Variants in FADS3 observed in about 807,000 individuals in gnomAD.
The protein encoded by FADS3 is cytochrome b5-related protein.
In FADS3, 30 loss-of-function variants were observed where a neutral mutation model predicts 60.4. The ratio of observed to expected loss-of-function variants is 0.50; its 90% CI spans 0.37 to 0.67. The LOEUF (loss-of-function observed/expected upper bound fraction) is 0.67. Ranked by LOEUF, FADS3 falls within the 30% of genes least tolerant of loss-of-function variation. The pLI, the probability that FADS3 is intolerant of heterozygous loss-of-function variation, is 0.00. For missense variants in FADS3, 432 were observed against 598.3 expected, an observed-to-expected ratio of 0.72 and a Z score of 2.90; for synonymous variants, 234 against 249.3, an observed-to-expected ratio of 0.94 and a Z score of 0.58.
intron 1 of FADS3, 130 bp downstream of exon 1, chr11:61,891,039 C>T (rs1591205396): frequency 3.6e-6 from 3 of 824,932 alleles, no homozygotes; most frequent in South Asian, 1.7e-5. Flanking sequence ...CTCTGGGTCC[C>T]GGCGTGGAGG....
rs1253800339 is a variant in FADS3 at position 61,879,465 on chromosome 11, C to T, written c.369G>A (p.Glu123=). 2 of 1,604,004 alleles carry T rather than the reference C, an allele frequency of 1.2e-6. No homozygotes were observed. The highest frequency in any genetic ancestry group is 1.7e-6 in the Non-Finnish European group (2 of 1,176,418). The change falls in exon 3 of 12, where the codon GAG becomes GAA. Residue 123 remains glutamate (E), a synonymous_variant. Coordinates refer to ENST00000278829, the MANE Select transcript of FADS3 (RefSeq NM_021727.5). ...GACTGGCATCAAACAGCTTCATGTC[C>T]TCGGCTGCCTGGTGCAGGGCTCGGA... ...EDFRALHQAA[E]DMKLFDASPT...
intron 6 of FADS3, 26 bp downstream of exon 6, chr11:61,878,128 AC>A: frequency 1.2e-6 from 2 of 1,608,964 alleles, no homozygotes; most frequent in Non-Finnish European, 8.5e-7. Context: ...GCACTCCCCC[AC>A]CCCAGAAGGA....
In FADS3 at chr11:61,877,284, AC is replaced by A. The variant is rs1173328544; in HGVS notation, c.885+226del. On this transcript the variant is annotated intron_variant, in intron 7 of 11. Coordinates refer to ENST00000278829, the MANE Select transcript of FADS3 (RefSeq NM_021727.5). This position sits in a 1 kb window ranked among gnomAD's most constrained non-coding sequence, Gnocchi z 4.7. The stretch of plus-strand genomic sequence containing the variant: ...GACACCCTCACCGAGAGAGACCCAC[AC>A]CCCCCCTGTTCCTCAACCCCCCCCC... 6 of 133,622 alleles carry A rather than the reference AC, an allele frequency of 4.5e-5. No homozygotes were observed. Among genetic ancestry groups the A allele is most frequent in the Non-Finnish European group, 6.9e-5 (5 of 72,004 alleles). The allele number at this position is 133,622 out of a possible 1,614,324, so 8.3% of individuals were successfully genotyped here.
intron 1 of FADS3, chr11:61,881,652 G>A (rs1395650801): frequency 2.0e-5 from 3 of 152,184 alleles, no homozygotes; most frequent in Admixed American, 2.0e-4. Context: ...CTACCAGCTG[G>A]TGAGTCTTAA....
intron 1 of FADS3, among the ~76,000 whole-genome samples, chr11:61,885,932 G>A (rs370147970): frequency 3.3e-5 from 5 of 152,124 alleles, no homozygotes; most frequent in East Asian, 1.9e-4. Context: ...TCTCCCTGGC[G>A]CCCGTCAGAG....
At chr11:61,889,503 T>C (rs174457) in intron 1 of FADS3, among the ~76,000 whole-genome samples, 90,222 of 151,400 alleles carry the variant, frequency 0.6, 29,911 homozygotes, top group Non-Finnish European at 0.75. Flanking sequence ...TACAATATGC[T>C]GGGCGTGGTG....
At position 61,891,368 on chromosome 11, in the gene FADS3, C is replaced by A; in HGVS notation, c.14G>T (p.Gly5Val). 1 of 1,476,872 alleles carries A rather than the reference C, an allele frequency of 6.8e-7. No individual in the cohort carries two copies. The highest frequency in any genetic ancestry group is 8.9e-7 in the Non-Finnish European group (1 of 1,119,066). 91.5% of individuals were successfully genotyped at this position (1,476,872 alleles called of 1,614,324 possible). A position where few individuals can be genotyped will look rare whatever the true frequency, so the allele number is the denominator to read the frequency against. The change falls in exon 1 of 12, where the codon GGG becomes GTG. Residue 5 changes from glycine (G) to valine (V), a missense_variant. Transcript: ENST00000278829. MGGV[G>V]EPGPREGPAQ... ...GGGTCCCTCCCGCGGTCCCGGCTCCCCGACGCCGCCCATGCTGCACGCACG... is the reference window on the plus strand; with the variant it reads ...GGGTCCCTCCCGCGGTCCCGGCTCCACGACGCCGCCCATGCTGCACGCACG...
rs565143966 is a variant in FADS3 at position 61,877,352 on chromosome 11, C to T, written c.885+159G>A. The T allele has an allele frequency of 1.9e-4, 96 of 505,868 alleles. No homozygotes were observed. In the East Asian group the frequency reaches 2.7e-3, roughly 14 times the overall value. 31.3% of individuals were successfully genotyped at this position (505,868 alleles called of 1,614,324 possible). A position where few individuals can be genotyped will look rare whatever the true frequency, so the allele number is the denominator to read the frequency against. On this transcript the variant is annotated intron_variant, in intron 7 of 11. Coordinates refer to ENST00000278829, the MANE Select transcript of FADS3 (RefSeq NM_021727.5). The surrounding 1 kb of genome is among the most constrained non-coding windows in gnomAD (Gnocchi z 4.7). ...CGGGCACACTCGCTCTCCTGCTGCG[C>T]GCACACATGTGAGCCACACTGTTGC...
At position 61,876,128 on chromosome 11, in the gene FADS3, G is replaced by GT; in HGVS notation, c.1142dup (p.Asn381LysfsTer56). Reference sequence around the variant, plus strand: ...ACACTCACTGGTGCTCGATCTGGAAGTTGAGGTGCCCGCTGAACCAGTTGG... The same window carrying GT: ...ACACTCACTGGTGCTCGATCTGGAAGTTTGAGGTGCCCGCTGAACCAGTTGG... On this transcript the variant is annotated frameshift_variant, in exon 10 of 12. Coordinates refer to ENST00000278829, the MANE Select transcript of FADS3 (RefSeq NM_021727.5). LOFTEE classifies it high-confidence loss of function. The surrounding 1 kb of genome is among the most constrained non-coding windows in gnomAD (Gnocchi z 5.7). The GT allele has an allele frequency of 6.2e-7, 1 of 1,610,006 alleles. No homozygotes were observed. The highest frequency in any genetic ancestry group is 8.5e-7 in the Non-Finnish European group (1 of 1,178,512).
rs940989203 is a variant in FADS3 at position 61,876,663 on chromosome 11, G to A, written c.983+203C>T. On this transcript the variant is annotated intron_variant, in intron 8 of 11. Transcript: ENST00000278829. The surrounding 1 kb of genome is among the most constrained non-coding windows in gnomAD (Gnocchi z 5.7). ...GTCCAGAGCAGCTCCGACACCCACC[G>A]GGCCACTTACAAGCCAGGCCACGCT... 4.3e-5 allele frequency: 28 copies of A among 656,988 alleles called. No homozygotes were observed. The highest frequency in any genetic ancestry group is 6.8e-5 in the Non-Finnish European group (25 of 368,734). 40.7% of individuals were successfully genotyped at this position (656,988 alleles called of 1,614,324 possible).
At chr11:61,888,423 C>T (rs1023731043) in intron 1 of FADS3, among the ~76,000 whole-genome samples, 3 of 152,268 alleles carry the variant, frequency 2.0e-5, no homozygotes, top group Non-Finnish European at 4.4e-5. Context: ...CTGGTCTACC[C>T]TGTGGGTTCA....
At chr11:61,888,458 A>G (rs1938385667) in intron 1 of FADS3, among the ~76,000 whole-genome samples, 1 of 152,246 alleles carries the variant, frequency 6.6e-6, no homozygotes, top group African/African-American at 2.4e-5. Flanking sequence ...TGATTGCACC[A>G]TCCCAGCAAC....
intron 6 of FADS3, 72 bp downstream of exon 6, chr11:61,878,083 G>A (rs755672454): frequency 7.9e-5 from 109 of 1,385,288 alleles, no homozygotes; most frequent in Non-Finnish European, 1.0e-4. Flanking sequence ...GGCTGGGAGT[G>A]GTCCAGGACA....
intron 1 of FADS3, among the ~76,000 whole-genome samples, chr11:61,888,529 G>A (rs1317402111): frequency 6.6e-6 from 1 of 152,232 alleles, no homozygotes; most frequent in Non-Finnish European, 1.5e-5. Flanking sequence ...CCAGGCTGTG[G>A]GGCCTTGAGG....
At chr11:61,875,390 T>C (rs868186094) in intron 11 of FADS3, among the ~76,000 whole-genome samples, 2 of 143,834 alleles carry the variant, frequency 1.4e-5, no homozygotes, top group Non-Finnish European at 3.0e-5. Flanking sequence ...TTTTTTTTTT[T>C]TTTTTTTTTT....
Position 61,883,922 on chromosome 11 carries a change from G to A in FADS3, c.214-3771C>T, listed in dbSNP as rs188147924. ...AGCCATTGACAGGGCTCCAGCTGGG[G>A]AAGGGACAGGTGGGGCTGTGACAGT... On this transcript the variant is annotated intron_variant, in intron 1 of 11. Coordinates refer to ENST00000278829, the MANE Select transcript of FADS3 (RefSeq NM_021727.5). 7.9e-4 allele frequency among the ~76,000 whole-genome samples: 120 copies of A among 152,384 alleles called. 1 individual carries two copies. The East Asian group carries it at 0.022, about 28-fold the overall frequency.
chr11:61,875,936 C>A lies in FADS3; in HGVS notation c.1201G>T (p.Ala401Ser). 3 of 1,613,796 alleles carry A rather than the reference C, an allele frequency of 1.9e-6. No individual in the cohort carries two copies. The highest frequency in any genetic ancestry group is 2.5e-6 in the Non-Finnish European group (3 of 1,180,028). ...GCACACAGCGACTTGACCAGCGGGG[C>A]CACCCGGCTGTAGTTGTGTCTCGGC... ...RMPRHNYSRVAPLVKSLCAKH... is the reference protein window; with the variant it reads ...RMPRHNYSRVSPLVKSLCAKH... The change falls in exon 11 of 12, where the codon GCC (alanine) becomes TCC (serine). Residue 401 changes from alanine to serine, a missense_variant. Transcript: ENST00000278829.
Position 61,876,040 on chromosome 11 carries a change from G to A in FADS3, c.1161-64C>T, listed in dbSNP as rs969606841. On this transcript the variant is annotated intron_variant, in intron 10 of 11. Transcript: ENST00000278829. This position sits in a 1 kb window ranked among gnomAD's most constrained non-coding sequence, Gnocchi z 5.7. ...GATTCCAGAGAGAGGCCCCACCCAC[G>A]GGTCCCCTCCCAGGATCCCCTCCCA... 1.7e-5 allele frequency: 27 copies of A among 1,608,076 alleles called. No homozygotes were observed. Among genetic ancestry groups the A allele is most frequent in the East Asian group, 1.3e-4 (6 of 44,798 alleles).
At chr11:61,879,902 G>A in intron 2 of FADS3, 139 bp downstream of exon 2, 1 of 654,894 alleles carries the variant, frequency 1.5e-6, no homozygotes, top group South Asian at 2.0e-5. Flanking sequence ...CCTGGGAGGG[G>A]AGGGCAGGCT....
Sources: gnomAD v4.1 joint callset for allele counts (sites outside exome capture counted in the v4.1 genomes callset) on GRCh38, gnomAD v4.1.1 for gene constraint, Gnocchi (gnomAD v3.1) non-coding constraint, MANE v1.5 for transcripts, NCBI Gene and HGNC (gene_info 2026-07-23, HGNC 2026-07-21) for gene names.